Variants in DLC1 observed in about 807,000 individuals in gnomAD.
DLC1 encodes rho GTPase-activating protein 7.
Under a neutral mutation model 140.3 loss-of-function variants are expected in DLC1, and 54 were observed. That is an observed-to-expected ratio of 0.38 (90% CI 0.31 to 0.48). DLC1 has a LOEUF of 0.48. DLC1 is among the 20% of genes least tolerant of loss of function. DLC1 has a pLI of 0.96. For missense variants in DLC1, 2,536 were observed against 1,907.0 expected, an observed-to-expected ratio of 1.33 and a Z score of -6.14; for synonymous variants, 986 against 728.1, an observed-to-expected ratio of 1.35 and a Z score of -5.70.
rs573147160 is a variant in DLC1, at chr8:13,289,899, G to T, written c.1348+15370C>A. On this transcript the variant is annotated intron_variant, in intron 5 of 17. Transcript: ENST00000276297. ...TACCTTAAAAGGTTGTTGTCCTTGG[G>T]AGACAGGATAATGAGTAGGTTGGCT... Among the ~76,000 whole-genome samples, 5 of 152,238 alleles carry T rather than the reference G, an allele frequency of 3.3e-5. No homozygotes were observed. In the South Asian group the frequency reaches 6.2e-4, roughly 19 times the overall value.
At chr8:13,538,700 T>C (rs111366716) in intron 1 of DLC1, among the ~76,000 whole-genome samples, 21 of 152,308 alleles carry the variant, frequency 1.4e-4, no homozygotes, top group African/African-American at 4.6e-4. Flanking sequence ...GAGAAACAGA[T>C]GGACTTAATG....
At chr8:13,433,433 A>C (rs560574236) in intron 2 of DLC1, among the ~76,000 whole-genome samples, 17 of 152,174 alleles carry the variant, frequency 1.1e-4, no homozygotes, top group Admixed American at 7.2e-4. Flanking sequence ...TAACAGCTAA[A>C]CTTACCTAAA....
intron 3 of DLC1, among the ~76,000 whole-genome samples, chr8:13,395,488 C>G (rs560312192): frequency 8.3e-4 from 127 of 152,286 alleles, no homozygotes; most frequent in African/African-American, 2.5e-3. Context: ...CTTCACCTGT[C>G]TTGTTTACTG....
chr8:13,323,473 C>G (rs1833209185), intron 4 of DLC1, among the ~76,000 whole-genome samples: 3 of 152,116 alleles, frequency 2.0e-5, no homozygotes, highest in South Asian at 2.1e-4. Context: ...AAGTGGGCCT[C>G]TATTCTTTAT....
intron 5 of DLC1, among the ~76,000 whole-genome samples, chr8:13,297,287 A>AAAAAAAAAAAAAAAAAAAAAAAAAAC: frequency 7.2e-5 from 10 of 139,820 alleles, no homozygotes; most frequent in African/African-American, 2.7e-4. Flanking sequence ...TACATTAAAA[A>AAAAAAAAAAAAAAAAAAAAAAAAAAC]AAAAAAAAAC....
At chr8:13,410,114 A>G (rs1490545861) in intron 2 of DLC1, among the ~76,000 whole-genome samples, 2 of 152,134 alleles carry the variant, frequency 1.3e-5, no homozygotes, top group Admixed American at 6.5e-5. Context: ...GTAAATATCA[A>G]AAAGGGCATT....
intron 1 of DLC1, among the ~76,000 whole-genome samples, chr8:13,570,734 C>A (rs969761003): frequency 1.3e-5 from 2 of 152,094 alleles, no homozygotes; most frequent in Admixed American, 1.3e-4. Flanking sequence ...CTTCCCTTTT[C>A]ACCTGGCATA....
rs1164693976 is a variant in DLC1, at chr8:13,469,235, A to C, written c.1023+29814T>G. Among the ~76,000 whole-genome samples, 6 of 152,134 alleles carry C rather than the reference A, an allele frequency of 3.9e-5. 1 individual carries two copies. ...CACGTTGGATATTTTTCTTATTATA[A>C]AGCTCTAAATTTTTCTGTGTTTAAA... On this transcript the variant is annotated intron_variant, in intron 2 of 17. Coordinates refer to ENST00000276297, the MANE Select transcript of DLC1 (RefSeq NM_182643.3).
At chr8:13,358,945 CT>C (rs150037224) in intron 4 of DLC1, among the ~76,000 whole-genome samples, 9,429 of 151,978 alleles carry the variant, frequency 0.062, 994 homozygotes, top group African/African-American at 0.22. Context: ...CAGTTACAAA[CT>C]TTTTTTCTTT....
At chr8:13,133,336 C>A in intron 5 of DLC1, 2 of 1,162,110 alleles carry the variant, frequency 1.7e-6, no homozygotes, top group Non-Finnish European at 1.1e-6. Context: ...GGGCCCACCC[C>A]CCGAGGGGCG....
At position 13,099,346 on chromosome 8, in the gene DLC1, C is replaced by A; in HGVS notation, c.2990+1G>T. 6.2e-7 allele frequency: 1 copy of A among 1,611,810 alleles called. No homozygotes were observed. The highest frequency in any genetic ancestry group is 1.3e-5 in the African/African-American group (1 of 74,880). ...CCCGGAGGCAGGAGAAAAGTTCTTA[C>A]CTGTTGGACCTGGTTAGGGAAGCCC... On this transcript the variant is annotated splice_donor_variant, in intron 9 of 17. Coordinates refer to ENST00000276297, the MANE Select transcript of DLC1 (RefSeq NM_182643.3). LOFTEE classifies it high-confidence loss of function.
intron 1 of DLC1, among the ~76,000 whole-genome samples, chr8:13,506,863 G>A (rs1461872350): frequency 1.3e-5 from 2 of 151,926 alleles, no homozygotes; most frequent in African/African-American, 4.8e-5. Context: ...TTGTTGCTAC[G>A]TGGTGAGGGT....
At chr8:13,556,530 C>T (rs1324387319) in intron 1 of DLC1, among the ~76,000 whole-genome samples, 1 of 152,184 alleles carries the variant, frequency 6.6e-6, no homozygotes, top group East Asian at 1.9e-4. Context: ...CTTCTGAAGA[C>T]TCCTTCATGA....
intron 5 of DLC1, among the ~76,000 whole-genome samples, chr8:13,135,635 A>G (rs1822513924): frequency 1.3e-5 from 2 of 152,326 alleles, no homozygotes; most frequent in South Asian, 4.1e-4. Flanking sequence ...AGACTTTAAA[A>G]ATATATTCTA....
chr8:13,582,914 A>ATATG (rs1554547834), intron 1 of DLC1, among the ~76,000 whole-genome samples: 6 of 122,994 alleles, frequency 4.9e-5, no homozygotes, highest in South Asian at 2.7e-4. Flanking sequence ...ATATATATAT[A>ATATG]TATATGTGGT....
intron 1 of DLC1, among the ~76,000 whole-genome samples, chr8:13,569,270 ATTTG>A (rs1804561152): frequency 6.6e-6 from 1 of 152,148 alleles, no homozygotes; most frequent in Non-Finnish European, 1.5e-5. Context: ...TGAAAAAGAA[ATTTG>A]TTTGCAAAAA....
At chr8:13,513,770 T>A (rs896730648) in intron 1 of DLC1, among the ~76,000 whole-genome samples, 1 of 152,192 alleles carries the variant, frequency 6.6e-6, no homozygotes, top group Non-Finnish European at 1.5e-5. Flanking sequence ...CAGGTGGAAA[T>A]GTAATTTTAC....
intron 5 of DLC1, among the ~76,000 whole-genome samples, chr8:13,228,807 T>A (rs1828917264): frequency 6.6e-6 from 1 of 152,124 alleles, no homozygotes; most frequent in Non-Finnish European, 1.5e-5. Context: ...AACATCCAAA[T>A]GGTCGATGAG....
intron 4 of DLC1, among the ~76,000 whole-genome samples, chr8:13,330,259 C>T (rs1465508381): frequency 6.6e-6 from 1 of 152,142 alleles, no homozygotes; most frequent in East Asian, 1.9e-4. Flanking sequence ...GCCTATTATC[C>T]AGTGTTTAAA....
Sources: allele counts gnomAD v4.1 joint callset (sites outside exome capture counted in the v4.1 genomes callset), GRCh38; gene constraint gnomAD v4.1.1; transcripts MANE v1.5; gene names NCBI Gene and HGNC (gene_info 2026-07-23, HGNC 2026-07-21).